AOPEP: variants seen among roughly 807,000 people sequenced by gnomAD.
AOPEP encodes aminopeptidase O (putative), also known as aminopeptidase O.
AOPEP carries 77 observed loss-of-function variants against 98.1 expected under a neutral mutation model. The observed-to-expected ratio is 0.78, with a 90% CI of 0.65 to 0.95. The LOEUF is 0.95. AOPEP is among the 40% of genes least tolerant of loss of function. The probability of loss-of-function intolerance (pLI) is 0.00; values close to 1 mark genes in which losing one functional copy is unlikely to be tolerated. For synonymous variants in AOPEP, 346 were observed against 365.3 expected (o/e 0.95, Z 0.60); for missense variants, 1,024 against 1,024.7 (o/e 1.00, Z 0.01).
the AOPEP span, chr9:95,150,091 T>C: frequency 1.7e-5 from 28 of 1,613,892 alleles, no homozygotes; most frequent in African/African-American, 3.5e-4. Context: ...AGCCATTCTA[T>C]GGAAGAAATA....
intron 6 of AOPEP, among the ~76,000 whole-genome samples, chr9:94,925,447 C>T (rs746073148): frequency 1.3e-5 from 2 of 152,258 alleles, no homozygotes; most frequent in Non-Finnish European, 2.9e-5. Context: ...TTTTCACTAA[C>T]CAGCTGGAGG....
chr9:95,012,386 A>G (rs1053957488), intron 13 of AOPEP, among the ~76,000 whole-genome samples: 3 of 152,236 alleles, frequency 2.0e-5, no homozygotes, highest in Non-Finnish European at 4.4e-5. Flanking sequence ...GATGAAAGCC[A>G]TTTTTATATA....
At chr9:95,058,002 C>A (rs768060058) in intron 13 of AOPEP, among the ~76,000 whole-genome samples, 1 of 152,150 alleles carries the variant, frequency 6.6e-6, no homozygotes, top group African/African-American at 2.4e-5. Flanking sequence ...ATCTCGCGGT[C>A]TTAAGTCAGG....
At chr9:94,764,708 A>G (rs1839161529) in intron 2 of AOPEP, among the ~76,000 whole-genome samples, 1 of 152,158 alleles carries the variant, frequency 6.6e-6, no homozygotes, top group Non-Finnish European at 1.5e-5. Context: ...GAAAAAAGAC[A>G]TTGAGGAAAA....
At chr9:95,079,530 A>G (rs534169972) in intron 14 of AOPEP, among the ~76,000 whole-genome samples, 284 of 152,370 alleles carry the variant, frequency 1.9e-3, no homozygotes, top group African/African-American at 6.6e-3. Flanking sequence ...TTGATGCAGT[A>G]GAAAAAGGCA....
intron 5 of AOPEP, among the ~76,000 whole-genome samples, chr9:94,886,808 C>T (rs965677229): frequency 6.6e-6 from 1 of 151,902 alleles, no homozygotes; most frequent in African/African-American, 2.4e-5. Flanking sequence ...TTTAAAGTAC[C>T]CACAATATAT....
At chr9:95,102,618 C>T in the AOPEP span, among the ~76,000 whole-genome samples, 1 of 152,182 alleles carries the variant, frequency 6.6e-6, no homozygotes, top group Non-Finnish European at 1.5e-5. Flanking sequence ...GCCAGAGCAG[C>T]CCAAGGTCAG....
At chr9:94,964,033 G>C (rs1201623505) in intron 9 of AOPEP, among the ~76,000 whole-genome samples, 1 of 152,202 alleles carries the variant, frequency 6.6e-6, no homozygotes, top group Admixed American at 6.5e-5. Context: ...TTGATAGATG[G>C]TACAGAGACT....
intron 5 of AOPEP, among the ~76,000 whole-genome samples, chr9:94,843,062 A>G (rs549158656): frequency 6.6e-6 from 1 of 152,246 alleles, no homozygotes; most frequent in South Asian, 2.1e-4. Flanking sequence ...TTTTGACTCT[A>G]TGTCTTCAAA....
At chr9:95,079,241 G>T (rs2134199743) in intron 14 of AOPEP, among the ~76,000 whole-genome samples, 1 of 152,360 alleles carries the variant, frequency 6.6e-6, no homozygotes, top group East Asian at 1.9e-4. Context: ...TTAACTGTTT[G>T]CATGTAAACC....
Position 94,828,691 on chromosome 9 carries a change from T to C in AOPEP, c.1364+27689T>C, listed in dbSNP as rs150843788. ...ACTGCATAGAATTACCTGGATTGCC[T>C]GTTAAAAAAGCAAACAGACCAATTA... On this transcript the variant is annotated intron_variant, in intron 5 of 16. Transcript: ENST00000375315. Among the ~76,000 whole-genome samples the C allele has an allele frequency of 1.2e-3, 180 of 152,096 alleles. 1 individual carries two copies. In the East Asian group the frequency reaches 0.016, roughly 14 times the overall value.
chr9:95,028,710 G>T (rs1397489816), intron 13 of AOPEP, among the ~76,000 whole-genome samples: 1 of 152,170 alleles, frequency 6.6e-6, no homozygotes, highest in African/African-American at 2.4e-5. Context: ...GTGTGTTAGT[G>T]GGGATTCTCC....
chr9:95,138,065 G>A, the AOPEP span, among the ~76,000 whole-genome samples: 1 of 152,392 alleles, frequency 6.6e-6, no homozygotes, highest in Admixed American at 6.5e-5. Context: ...GAAAAGCAGT[G>A]GCTGGAATGA....
At chr9:95,041,121 C>A (rs573772952) in intron 13 of AOPEP, among the ~76,000 whole-genome samples, 1 of 151,520 alleles carries the variant, frequency 6.6e-6, no homozygotes, top group African/African-American at 2.4e-5. Context: ...CAGGCTCTCA[C>A]GTTTTACCAG....
chr9:95,070,636 C>T (rs1207919167), intron 14 of AOPEP, among the ~76,000 whole-genome samples: 3 of 152,240 alleles, frequency 2.0e-5, no homozygotes, highest in African/African-American at 7.2e-5. Context: ...TGCGACAGGC[C>T]CAAAGATGGC....
intron 14 of AOPEP, among the ~76,000 whole-genome samples, chr9:95,076,732 C>G (rs1447273380): frequency 6.6e-6 from 1 of 152,152 alleles, no homozygotes; most frequent in Non-Finnish European, 1.5e-5. Flanking sequence ...TGAAGGCAGT[C>G]TCTGGGCATA....
chr9:94,739,671 T>C (rs1587977162), intron 1 of AOPEP, among the ~76,000 whole-genome samples: 1 of 148,620 alleles, frequency 6.7e-6, no homozygotes, highest in Non-Finnish European at 1.5e-5. Context: ...AGATTTGGAG[T>C]GTTTACAATT....
chr9:94,796,423 A>C (rs1260275142), intron 4 of AOPEP, among the ~76,000 whole-genome samples: 1 of 152,230 alleles, frequency 6.6e-6, no homozygotes, highest in Admixed American at 6.5e-5. Context: ...GTCTGACTGC[A>C]TGCAAAGTTT....
At chr9:94,956,311 C>T (rs1213535947) in intron 9 of AOPEP, among the ~76,000 whole-genome samples, 1 of 152,216 alleles carries the variant, frequency 6.6e-6, no homozygotes, top group African/African-American at 2.4e-5. Flanking sequence ...AAGACTGCCT[C>T]CTTCTTACCT....
Sources: allele counts gnomAD v4.1 joint callset (sites outside exome capture counted in the v4.1 genomes callset), GRCh38; gene constraint gnomAD v4.1.1; transcripts MANE v1.5; gene names NCBI Gene and HGNC (gene_info 2026-07-23, HGNC 2026-07-21).